RUSC2: variants seen among roughly 807,000 people sequenced by gnomAD.
RUSC2 encodes AP-4 complex accessory subunit RUSC2.
RUSC2 carries 34 observed loss-of-function variants against 122.2 expected under a neutral mutation model. The ratio of observed to expected loss-of-function variants is 0.28; its 90% confidence interval spans 0.21 to 0.37. The LOEUF (loss-of-function observed/expected upper bound fraction) is 0.37. Ranked by LOEUF, RUSC2 falls within the 10% of genes least tolerant of loss-of-function variation. The pLI is 1.00. For missense variants in RUSC2, 1,747 were observed against 1,952.4 expected (o/e 0.89, Z 1.98); for synonymous variants, 784 against 790.0 (o/e 0.99, Z 0.13).
chr9:35,561,811 AG>A lies in RUSC2; in HGVS notation c.*432del. 1 of 583,382 alleles carries A rather than the reference AG, an allele frequency of 1.7e-6. No individual in the cohort carries two copies. Among genetic ancestry groups the A allele is most frequent in the South Asian group, 2.3e-5 (1 of 43,950 alleles). 36.1% of individuals were successfully genotyped at this position (583,382 alleles called of 1,614,324 possible). On this transcript the variant is annotated 3_prime_UTR_variant, in exon 12 of 12. Coordinates refer to ENST00000361226, the MANE Select transcript of RUSC2 (RefSeq NM_014806.5). ...GTGGCCAGTGCCTGGTCATCAGAAG[AG>A]GGAGGAGGAGCCCAGGCGTCTGTTT...
At chr9:35,542,072 G>A (rs913377535) in intron 1 of RUSC2, among the ~76,000 whole-genome samples, 1 of 152,072 alleles carries the variant, frequency 6.6e-6, no homozygotes, top group Non-Finnish European at 1.5e-5. Flanking sequence ...TGAATGGGGT[G>A]GGCAAAGCAT....
At chr9:35,494,727 T>G (rs929577345) in intron 1 of RUSC2, among the ~76,000 whole-genome samples, 1 of 151,444 alleles carries the variant, frequency 6.6e-6, no homozygotes, top group Non-Finnish European at 1.5e-5. Flanking sequence ...TATTTTCTCC[T>G]ATTCCATGGA....
chr9:35,506,306 T>A (rs1820915604), intron 1 of RUSC2, among the ~76,000 whole-genome samples: 1 of 152,236 alleles, frequency 6.6e-6, no homozygotes, highest in South Asian at 2.1e-4. Context: ...AATAAAGCTG[T>A]TAATTTAAAA....
rs200002716 is a variant in RUSC2 at position 35,558,281 on chromosome 9, G to A, written c.3145G>A (p.Glu1049Lys). The change falls in exon 7 of 12, where the codon GAG becomes AAG. Residue 1049 changes from glutamate to lysine, a missense_variant. Glu to Lys is a moderately conservative substitution (Grantham distance 56). Coordinates refer to ENST00000361226, the MANE Select transcript of RUSC2 (RefSeq NM_014806.5). This position sits in a 1 kb window ranked among gnomAD's most constrained non-coding sequence, Gnocchi z 4.3. ...GTGCCCTGCCGTCCGCGCCGTGCTGGAGGATGGGCTCAAGGCCTTTGTACT... is the reference window on the plus strand; with the variant it reads ...GTGCCCTGCCGTCCGCGCCGTGCTGAAGGATGGGCTCAAGGCCTTTGTACT... ...YLCPAVRAVLEDGLKAFVLDV... is the reference protein window; with the variant it reads ...YLCPAVRAVLKDGLKAFVLDV... 316 of 1,614,068 alleles carry A rather than the reference G, an allele frequency of 2.0e-4. 1 individual carries two copies. The highest frequency in any genetic ancestry group is 4.5e-4 in the Admixed American group (27 of 59,998).
At chr9:35,516,008 A>AAAAAAAAAAAAAAAT in intron 1 of RUSC2, among the ~76,000 whole-genome samples, 1 of 147,796 alleles carries the variant, frequency 6.8e-6, no homozygotes, top group Admixed American at 6.8e-5. Context: ...TCAAAAAAAA[A>AAAAAAAAAAAAAAAT]AAAAAAAAAA....
chr9:35,560,417 T>G lies in RUSC2; in HGVS notation c.3777T>G (p.Arg1259=), dbSNP rs759105172. The G allele has an allele frequency of 5.6e-6, 9 of 1,613,992 alleles. No homozygotes were observed. The highest frequency in any genetic ancestry group is 8.5e-7 in the Non-Finnish European group (1 of 1,180,012). ...EVAEAAGGSG[R]ARWARGGQAG... ...CAGAGGCAGCCGGGGGCTCAGGGCG[T>G]GCCAGGTGGGCCCGAGGTGGGCAGG... The change falls in exon 10 of 12, where the codon CGT becomes CGG. Residue 1259 remains arginine, a synonymous_variant. Coordinates refer to ENST00000361226, the MANE Select transcript of RUSC2 (RefSeq NM_014806.5).
intron 1 of RUSC2, among the ~76,000 whole-genome samples, chr9:35,502,081 GA>G (rs140090132): frequency 1.3e-5 from 2 of 150,712 alleles, no homozygotes; most frequent in African/African-American, 2.4e-5. Context: ...AAACTTGATG[GA>G]AAAAAAAATC....
At chr9:35,522,348 T>C (rs1465949041) in intron 1 of RUSC2, among the ~76,000 whole-genome samples, 1 of 152,230 alleles carries the variant, frequency 6.6e-6, no homozygotes, top group Non-Finnish European at 1.5e-5. Flanking sequence ...TTGCCTAGGG[T>C]TCCCTGGAGG....
At chr9:35,513,527 G>A (rs1821047690) in intron 1 of RUSC2, among the ~76,000 whole-genome samples, 1 of 151,730 alleles carries the variant, frequency 6.6e-6, no homozygotes, top group Non-Finnish European at 1.5e-5. Context: ...ACAGGCATGA[G>A]CCACTGCACC....
At chr9:35,506,215 T>G (rs1339046196) in intron 1 of RUSC2, among the ~76,000 whole-genome samples, 2 of 152,146 alleles carry the variant, frequency 1.3e-5, no homozygotes, top group Non-Finnish European at 2.9e-5. Context: ...GTGGTCAGAG[T>G]TGCATAACTG....
chr9:35,544,163 G>A (rs1264034580), intron 1 of RUSC2, among the ~76,000 whole-genome samples: 1 of 152,094 alleles, frequency 6.6e-6, no homozygotes. Context: ...CAGCTGGAGT[G>A]AAGTAGTATC....
At chr9:35,527,587 TA>T (rs1821347648) in intron 1 of RUSC2, among the ~76,000 whole-genome samples, 1 of 152,260 alleles carries the variant, frequency 6.6e-6, no homozygotes, top group South Asian at 2.1e-4. Flanking sequence ...TCTTTTATTT[TA>T]AAACATTTCA....
rs201913303 is a variant in RUSC2, at chr9:35,547,012, G to A, written c.491G>A (p.Ser164Asn). 6.2e-7 allele frequency: 1 copy of A among 1,606,046 alleles called. No homozygotes were observed. The highest frequency in any genetic ancestry group is 8.5e-7 in the Non-Finnish European group (1 of 1,175,226). ...RVGRPWGTTRSRAGVVEGQEQ... is the reference protein window; with the variant it reads ...RVGRPWGTTRNRAGVVEGQEQ... ...GGCAGGCCATGGGGGACAACACGCAGTCGGGCTGGAGTGGTGGAAGGGCAG... is the reference window on the plus strand; with the variant it reads ...GGCAGGCCATGGGGGACAACACGCAATCGGGCTGGAGTGGTGGAAGGGCAG... Residue 164 changes from serine to asparagine, a missense_variant, in exon 2 of 12, where the codon AGT becomes AAT. Ser to Asn is a conservative substitution (Grantham distance 46, BLOSUM62 1). Transcript: ENST00000361226. This position sits in a 1 kb window ranked among gnomAD's most constrained non-coding sequence, Gnocchi z 4.6.
In RUSC2 at chr9:35,539,232, G is replaced by C. The variant is rs373082506; in HGVS notation, c.-92-7198G>C. On this transcript the variant is annotated intron_variant, in intron 1 of 11. Coordinates refer to ENST00000361226, the MANE Select transcript of RUSC2 (RefSeq NM_014806.5). ...AAAAGGGAGAGGGGGGCGGTGCGGGGGGGGATAAAGGGGGGAACATGCGGA... is the reference window on the plus strand; with the variant it reads ...AAAAGGGAGAGGGGGGCGGTGCGGGCGGGGATAAAGGGGGGAACATGCGGA... The C allele has an allele frequency of 1.3e-4, 18 of 142,370 alleles. No individual in the cohort carries two copies. The East Asian group carries it at 2.9e-3, about 23-fold the overall frequency. 8.8% of individuals were successfully genotyped at this position (142,370 alleles called of 1,614,324 possible).
At chr9:35,545,366 G>GT (rs1345295279) in intron 1 of RUSC2, among the ~76,000 whole-genome samples, 1 of 152,226 alleles carries the variant, frequency 6.6e-6, no homozygotes, top group Non-Finnish European at 1.5e-5. Context: ...AATGAAGACT[G>GT]TTGCGACCTG....
At chr9:35,552,268 C>T (rs1414433751) in intron 2 of RUSC2, among the ~76,000 whole-genome samples, 1 of 152,076 alleles carries the variant, frequency 6.6e-6, no homozygotes. Flanking sequence ...GGCTGAGGCA[C>T]AATAATCGCT....
chr9:35,503,712 T>TAGCA (rs1564244338), intron 1 of RUSC2, among the ~76,000 whole-genome samples: 25 of 151,920 alleles, frequency 1.6e-4, no homozygotes, highest in Admixed American at 5.2e-4. Context: ...CCAGTTTACA[T>TAGCA]TCCCAATAGC....
Position 35,555,367 on chromosome 9 carries a change from A to G in RUSC2, c.2322A>G (p.Pro774=). 1 of 1,614,226 alleles carries G rather than the reference A, an allele frequency of 6.2e-7. No individual in the cohort carries two copies. Among genetic ancestry groups the G allele is most frequent in the Middle Eastern group, 1.6e-4 (1 of 6,062 alleles). ...GGTCTGAGCCAGAGACCTCTCGGCC[A>G]TCGCCCCTGGGCAGCTACTCCCCCA... ...KAGSEPETSR[P]SPLGSYSPIR... Residue 774 remains proline, a synonymous_variant, in exon 3 of 12, where the codon CCA becomes CCG. Transcript: ENST00000361226. The surrounding 1 kb of genome is among the most constrained non-coding windows in gnomAD (Gnocchi z 4.6).
chr9:35,533,246 C>A (rs75078872), intron 1 of RUSC2, among the ~76,000 whole-genome samples: 217 of 122,828 alleles, frequency 1.8e-3, no homozygotes, highest in Middle Eastern at 4.2e-3. Flanking sequence ...GACTCTGTCT[C>A]AAAAAAAAAA....
Sources: allele counts gnomAD v4.1 joint callset (sites outside exome capture counted in the v4.1 genomes callset), GRCh38; gene constraint gnomAD v4.1.1; non-coding constraint Gnocchi (gnomAD v3.1); transcripts MANE v1.5; gene names NCBI Gene and HGNC (gene_info 2026-07-23, HGNC 2026-07-21).